ESR2: variants seen among roughly 807,000 people sequenced by gnomAD.
The protein encoded by ESR2 is estrogen receptor 2, also known as estrogen receptor beta.
Under a neutral mutation model 49.6 loss-of-function variants are expected in ESR2, and 36 were observed. The ratio of observed to expected loss-of-function variants is 0.73; its 90% CI spans 0.56 to 0.96. The LOEUF is 0.96. Among genes scored for constraint, ESR2 ranks in the 40% least tolerant of loss-of-function variants. The pLI is 0.00. For missense variants in ESR2, 714 were observed against 693.0 expected, an observed-to-expected ratio of 1.03 and a Z score of -0.34; for synonymous variants, 320 against 266.1, an observed-to-expected ratio of 1.20 and a Z score of -1.97.
rs539133966 is a variant in ESR2, at chr14:64,249,173, C to T, written c.1225+373G>A. 6.0e-4 allele frequency among the ~76,000 whole-genome samples: 91 copies of T among 152,134 alleles called. 1 individual carries two copies. The highest frequency in any genetic ancestry group is 2.0e-4 in the Admixed American group (3 of 15,276). ...AGGGTAGGATTGTATCTTTACTGAA[C>T]GAATGAATCTGTAAAAAAGGAGGAC... is the stretch of plus-strand genomic sequence containing the variant. On this transcript the variant is annotated intron_variant, in intron 7 of 8. Transcript: ENST00000341099.
intron 1 of ESR2, among the ~76,000 whole-genome samples, chr14:64,310,289 T>TAAAAAAAAATAATAAA (rs1567795706): frequency 8.0e-6 from 1 of 124,370 alleles, no homozygotes; most frequent in African/African-American, 3.0e-5. Context: ...TCTCAAAAAA[T>TAAAAAAAAATAATAAA]AATAATAATA....
At chr14:64,335,612 C>T (rs1011414075) in intron 1 of ESR2, among the ~76,000 whole-genome samples, 4 of 152,148 alleles carry the variant, frequency 2.6e-5, no homozygotes, top group African/African-American at 9.7e-5. Flanking sequence ...CTCCCAAAGG[C>T]CCTGCCTCCA....
At chr14:64,313,181 T>C (rs1332571005) in intron 1 of ESR2, among the ~76,000 whole-genome samples, 1 of 151,976 alleles carries the variant, frequency 6.6e-6, no homozygotes, top group Non-Finnish European at 1.5e-5. Flanking sequence ...GACACAGTAA[T>C]CTTAAATGCC....
Position 64,239,152 on chromosome 14 carries a change from C to T in ESR2, c.1226-4002G>A, listed in dbSNP as rs34515626. Among the ~76,000 whole-genome samples the T allele has an allele frequency of 6.7e-3, 1,015 of 152,318 alleles. 29 individuals carry two copies. Among genetic ancestry groups the T allele is most frequent in the Admixed American group, 0.047 (721 of 15,306 alleles). On this transcript the variant is annotated intron_variant, in intron 7 of 8. Transcript: ENST00000341099. ...TGGCCATGACCCACGCCCTCTGTCACCACCTCCTGCCCCCAGCACATGAGG... is the reference window on the plus strand; with the variant it reads ...TGGCCATGACCCACGCCCTCTGTCATCACCTCCTGCCCCCAGCACATGAGG...
At chr14:64,228,088 A>G, downstream of ESR2, 2 of 1,348,962 alleles carry the variant, frequency 1.5e-6, no homozygotes, top group Non-Finnish European at 1.9e-6. Flanking sequence ...TAGCTGACTA[A>G]AGATGAAATT....
At chr14:64,294,852 T>G (rs960079999), upstream of ESR2, among the ~76,000 whole-genome samples, 5 of 151,762 alleles carry the variant, frequency 3.3e-5, no homozygotes, top group Admixed American at 2.0e-4. Context: ...GTGGAGGGAG[T>G]GGGTTCTCAG....
chr14:64,326,268 C>T (rs2077388986), intron 1 of ESR2, among the ~76,000 whole-genome samples: 1 of 152,090 alleles, frequency 6.6e-6, no homozygotes, highest in African/African-American at 2.4e-5. Context: ...ACTGACTACT[C>T]CTCAACCCTC....
At chr14:64,234,924 T>C (rs370541364) in intron 8 of ESR2, 46 bp downstream of exon 8, 31 of 1,598,642 alleles carry the variant, frequency 1.9e-5, no homozygotes, top group Non-Finnish European at 2.1e-5. Context: ...GTGGAGCACA[T>C]AATCCCATCC....
Position 64,231,821 on chromosome 14 carries a change from A to G in ESR2, c.*1316T>C, listed in dbSNP as rs1379185926. 6.6e-6 allele frequency: 1 copy of G among 152,208 alleles called. No individual in the cohort carries two copies. Among genetic ancestry groups the G allele is most frequent in the African/African-American group, 2.4e-5 (1 of 41,440 alleles). 9.4% of individuals were successfully genotyped at this position (152,208 alleles called of 1,614,324 possible). On this transcript the variant is annotated 3_prime_UTR_variant, in exon 9 of 9. Coordinates refer to ENST00000341099, the MANE Select transcript of ESR2 (RefSeq NM_001437.3). Reference sequence around the variant, plus strand: ...ATATTCACCGTGTATCCAAAACTGGAAATTTCACATCTTTTAAAAGGTGAG... The same window carrying G: ...ATATTCACCGTGTATCCAAAACTGGGAATTTCACATCTTTTAAAAGGTGAG...
At chr14:64,311,229 A>G (rs1160516732) in intron 1 of ESR2, among the ~76,000 whole-genome samples, 2 of 152,230 alleles carry the variant, frequency 1.3e-5, no homozygotes, top group East Asian at 3.8e-4. Context: ...ATGCATTTAA[A>G]GGAGAACTTA....
chr14:64,322,278 C>T (rs950940727), intron 1 of ESR2, among the ~76,000 whole-genome samples: 1 of 152,048 alleles, frequency 6.6e-6, no homozygotes, highest in Non-Finnish European at 1.5e-5. Flanking sequence ...AGGCTGGTCT[C>T]GAACTCCTGA....
At chr14:64,308,611 T>C (rs1169251510) in intron 1 of ESR2, among the ~76,000 whole-genome samples, 1 of 152,180 alleles carries the variant, frequency 6.6e-6, no homozygotes, top group Non-Finnish European at 1.5e-5. Flanking sequence ...TTGATAAATG[T>C]TCTACAGGTA....
chr14:64,314,217 T>C (rs1298332810), intron 1 of ESR2, among the ~76,000 whole-genome samples: 1 of 150,834 alleles, frequency 6.6e-6, no homozygotes, highest in African/African-American at 2.4e-5. Flanking sequence ...CAATAACAGA[T>C]AACAGGAAAA....
At chr14:64,246,754 A>C (rs1204728001) in intron 7 of ESR2, among the ~76,000 whole-genome samples, 2 of 146,284 alleles carry the variant, frequency 1.4e-5, no homozygotes, top group Admixed American at 6.7e-5. Flanking sequence ...AAAAAAAAAA[A>C]AAAAAAAAAA....
At chr14:64,300,818 A>G (rs1490954702) in intron 1 of ESR2, among the ~76,000 whole-genome samples, 1 of 152,126 alleles carries the variant, frequency 6.6e-6, no homozygotes, top group Non-Finnish European at 1.5e-5. Context: ...CTCTTCTTTG[A>G]GACTGCATCT....
In ESR2 at chr14:64,229,217, G is replaced by A. The variant is rs1030546059; in HGVS notation, c.*3920C>T. On this transcript the variant is annotated 3_prime_UTR_variant, in exon 9 of 9. Coordinates refer to ENST00000341099, the MANE Select transcript of ESR2 (RefSeq NM_001437.3). ...CTAAGCTGAGGAGATGGGATCTAAA[G>A]GTACAGCAGAAGACAACCCTAACTT... Among the ~76,000 whole-genome samples the A allele has an allele frequency of 4.1e-4, 63 of 152,134 alleles. No homozygotes were observed. The highest frequency in any genetic ancestry group is 5.7e-4 in the Non-Finnish European group (39 of 68,024).
At chr14:64,273,743 G>T (rs532812673) in intron 3 of ESR2, among the ~76,000 whole-genome samples, 12 of 152,026 alleles carry the variant, frequency 7.9e-5, no homozygotes, top group Non-Finnish European at 1.6e-4. Flanking sequence ...TGGGGATATT[G>T]GTCTGTCATA....
chr14:64,299,608 C>T (rs537829648), intron 1 of ESR2, among the ~76,000 whole-genome samples: 26 of 152,138 alleles, frequency 1.7e-4, no homozygotes, highest in Admixed American at 1.2e-3. Context: ...CTGATCCACC[C>T]GCCTCCGCCT....
At position 64,330,121 on chromosome 14, in the gene ESR2, AAAAG is replaced by A. The variant is rs200006923; in HGVS notation, c.-91+7773_-91+7776del. The A allele has an allele frequency of 5.4e-3, 815 of 150,566 alleles. 7 individuals are homozygous for A. Among genetic ancestry groups the A allele is most frequent in the African/African-American group, 0.019 (763 of 40,788 alleles). 9.3% of individuals were successfully genotyped at this position (150,566 alleles called of 1,614,324 possible). A position where few individuals can be genotyped will look rare whatever the true frequency, so the allele number is the denominator to read the frequency against. On this transcript the variant is annotated intron_variant, in intron 1 of 8. Coordinates refer to the ESR2 transcript ENST00000358599. ...AAAAAGAGCAAAACTCTGTCTCAAA[AAAAG>A]AAAGAAAGAAAGAAAGAAATTAGGC...
Sources: gnomAD v4.1 joint callset for allele counts (sites outside exome capture counted in the v4.1 genomes callset) on GRCh38, gnomAD v4.1.1 for gene constraint, MANE v1.5 for transcripts, NCBI Gene and HGNC (gene_info 2026-07-23, HGNC 2026-07-21) for gene names.